The following ITPRIPL1 variants were observed in gnomAD, a reference collection of about 807,000 sequenced individuals.
The protein encoded by ITPRIPL1 is ITPRIP like 1, also known as inositol 1,4,5-trisphosphate receptor-interacting protein-like 1.
A neutral mutation model predicts 40.0 loss-of-function variants in ITPRIPL1; 28 were observed. That is an observed-to-expected ratio of 0.70 (90% CI 0.52 to 0.96). The LOEUF (loss-of-function observed/expected upper bound fraction) is 0.96. ITPRIPL1 is among the 40% of genes least tolerant of loss of function. The pLI is 0.00. For synonymous variants in ITPRIPL1, 251 were observed against 275.7 expected (o/e 0.91, Z 0.89); for missense variants, 638 against 698.0 (o/e 0.91, Z 0.97).
rs781650167 is a variant in ITPRIPL1 at position 96,327,228 on chromosome 2, G to A, written c.597G>A (p.Glu199=). 1 of 1,614,110 alleles carries A rather than the reference G, an allele frequency of 6.2e-7. No homozygotes were observed. Among genetic ancestry groups the A allele is most frequent in the Admixed American group, 1.7e-5 (1 of 60,016 alleles). The change falls in exon 3 of 3, where the codon GAG becomes GAA. Residue 199 remains glutamate, a synonymous_variant. Transcript: ENST00000439118. ...AGAGTTTTGTGGATGATCTCATTGA[G>A]GCCTGTCGGGTGCTCAGCCGCCAAG... ...FVESFVDDLI[E]ACRVLSRQEA...
In ITPRIPL1 at chr2:96,328,323, C is replaced by T; in HGVS notation, c.*24C>T. ...GATGTAAAGACCATTAAAAAAAAAACAGAGGAAGGTATTTCTAATTCCTTG... is the reference window on the plus strand; with the variant it reads ...GATGTAAAGACCATTAAAAAAAAAATAGAGGAAGGTATTTCTAATTCCTTG... On this transcript the variant is annotated 3_prime_UTR_variant, in exon 3 of 3. Transcript: ENST00000439118. The T allele has an allele frequency of 6.5e-7, 1 of 1,544,644 alleles. No individual in the cohort carries two copies. The highest frequency in any genetic ancestry group is 2.0e-5 in the Admixed American group (1 of 50,392).
chr2:96,326,859 G>C lies in ITPRIPL1; in HGVS notation c.228G>C (p.Trp76Cys), dbSNP rs201297775. 2 of 1,614,210 alleles carry C rather than the reference G, an allele frequency of 1.2e-6. No individual in the cohort carries two copies. The highest frequency in any genetic ancestry group is 1.3e-5 in the African/African-American group (1 of 75,064). Residue 76 changes from tryptophan (W) to cysteine (C), a missense_variant, in exon 3 of 3, where the codon TGG (tryptophan) becomes TGC (cysteine). Trp to Cys is a radical substitution (Grantham distance 215). Coordinates refer to ENST00000439118, the MANE Select transcript of ITPRIPL1 (RefSeq NM_001008949.3). ...AEQRQKAENF[W>C]TGDTSSDQLV... is the part of the protein sequence containing the mutation. ...AGAGGCAGAAGGCAGAGAACTTCTGGACAGGAGACACATCCAGTGACCAGT... is the reference window on the plus strand; with the variant it reads ...AGAGGCAGAAGGCAGAGAACTTCTGCACAGGAGACACATCCAGTGACCAGT...
chr2:96,325,970 C>T (rs2064102544), intron 2 of ITPRIPL1, 121 bp downstream of exon 2: 5 of 1,229,632 alleles, frequency 4.1e-6, no homozygotes, highest in Non-Finnish European at 6.0e-6. Context: ...CCTGGTTCTG[C>T]AGACAGTTTT....
Position 96,326,864 on chromosome 2 carries a change from G to C in ITPRIPL1, c.233G>C (p.Gly78Ala). Residue 78 changes from glycine (G) to alanine (A), a missense_variant, in exon 3 of 3, where the codon GGA (glycine) becomes GCA (alanine). Coordinates refer to ENST00000439118, the MANE Select transcript of ITPRIPL1 (RefSeq NM_001008949.3). ...QRQKAENFWT[G>A]DTSSDQLVLG... is the part of the protein sequence containing the mutation. ...CAGAAGGCAGAGAACTTCTGGACAG[G>C]AGACACATCCAGTGACCAGTTAGTG... The C allele has an allele frequency of 6.2e-7, 1 of 1,614,248 alleles. No homozygotes were observed. The highest frequency in any genetic ancestry group is 8.5e-7 in the Non-Finnish European group (1 of 1,180,050).
chr2:96,327,606 G>C lies in ITPRIPL1; in HGVS notation c.975G>C (p.Met325Ile), dbSNP rs746151418. ...VCKTVQWFRN[M>I]MGNAWALVAH... ...AGACTGTGCAGTGGTTCCGGAACAT[G>C]ATGGGCAATGCCTGGGCCCTTGTGG... Residue 325 changes from methionine (M) to isoleucine (I), a missense_variant, in exon 3 of 3, where the codon ATG becomes ATC. Physicochemically the swap from Met to Ile is conservative, Grantham distance 10. Transcript: ENST00000439118. 4.4e-6 allele frequency: 7 copies of C among 1,608,984 alleles called. No homozygotes were observed. The highest frequency in any genetic ancestry group is 5.9e-6 in the Non-Finnish European group (7 of 1,177,786).
chr2:96,325,902 G>A (rs192983046), intron 2 of ITPRIPL1, 53 bp downstream of exon 2: 2 of 1,597,484 alleles, frequency 1.3e-6, no homozygotes, highest in Non-Finnish European at 1.7e-6. Context: ...CGGGCTTCAC[G>A]GGTGGGTGGG....
intron 2 of ITPRIPL1, chr2:96,326,060 A>T (rs538160861): frequency 8.9e-7 from 1 of 1,119,638 alleles, no homozygotes; most frequent in Non-Finnish European, 1.3e-6. Flanking sequence ...CACCGTAGCA[A>T]GCAGCTGGCG....
At position 96,327,322 on chromosome 2, in the gene ITPRIPL1, G is replaced by A. The variant is rs1195595505; in HGVS notation, c.691G>A (p.Glu231Lys). 1.2e-6 allele frequency: 2 copies of A among 1,614,180 alleles called. No homozygotes were observed. The highest frequency in any genetic ancestry group is 1.1e-5 in the South Asian group (1 of 91,078). Residue 231 changes from glutamate (E) to lysine (K), a missense_variant, in exon 3 of 3, where the codon GAG becomes AAG. Glu to Lys is a moderately conservative substitution (Grantham distance 56). Transcript: ENST00000439118. Reference sequence around the variant, plus strand: ...CTTTGAGAAATGGGGAACCCTCCATGAGACCCAGAAATTTGATATCCTGGT... The same window carrying A: ...CTTTGAGAAATGGGGAACCCTCCATAAGACCCAGAAATTTGATATCCTGGT... The part of the protein sequence containing the change: ...AAFEKWGTLH[E>K]TQKFDILVPI...
intron 2 of ITPRIPL1, 93 bp downstream of exon 2, chr2:96,325,942 T>G (rs1246365546): frequency 2.1e-6 from 3 of 1,426,820 alleles, no homozygotes; most frequent in Non-Finnish European, 3.0e-6. Context: ...CTGCCGGCTG[T>G]CAGGTAGGCC....
chr2:96,327,188 C>T lies in ITPRIPL1; in HGVS notation c.557C>T (p.Thr186Ile). 1 of 1,614,166 alleles carries T rather than the reference C, an allele frequency of 6.2e-7. No individual in the cohort carries two copies. The highest frequency in any genetic ancestry group is 8.5e-7 in the Non-Finnish European group (1 of 1,180,046). ...AATGCCATCCGTGACCTGCCCTGCACCTGTGAGTTTGTGGAGAGTTTTGTG... is the reference window on the plus strand; with the variant it reads ...AATGCCATCCGTGACCTGCCCTGCATCTGTGAGTTTGTGGAGAGTTTTGTG... ...VQNAIRDLPC[T>I]CEFVESFVDD... Residue 186 changes from threonine to isoleucine, a missense_variant, in exon 3 of 3, where the codon ACC becomes ATC. By Grantham distance (89) the Thr-to-Ile change is moderately conservative. Coordinates refer to ENST00000439118, the MANE Select transcript of ITPRIPL1 (RefSeq NM_001008949.3).
In ITPRIPL1 at chr2:96,327,430, G is replaced by T; in HGVS notation, c.799G>T (p.Val267Leu). The T allele has an allele frequency of 6.2e-7, 1 of 1,614,000 alleles. No individual in the cohort carries two copies. The highest frequency in any genetic ancestry group is 8.5e-7 in the Non-Finnish European group (1 of 1,179,932). Residue 267 changes from valine (V) to leucine (L), a missense_variant, in exon 3 of 3, where the codon GTG becomes TTG. Coordinates refer to ENST00000439118, the MANE Select transcript of ITPRIPL1 (RefSeq NM_001008949.3). ...ALGRRCGCVL[V>L]ESECVCKREK... is the part of the protein sequence containing the mutation. ...GGGCCGCCGCTGTGGCTGTGTGCTG[G>T]TGGAGTCAGAATGTGTGTGCAAGCG...
rs779036189 is a variant in ITPRIPL1, at chr2:96,327,539, T to C, written c.908T>C (p.Ile303Thr). The C allele has an allele frequency of 1.4e-5, 23 of 1,613,704 alleles. No homozygotes were observed. Among genetic ancestry groups the C allele is most frequent in the East Asian group, 2.2e-5 (1 of 44,880 alleles). ...SAVLGKCSSS[I>T]KAALCTGFHL... The stretch of plus-strand genomic sequence containing the variant: ...GTCTTGGGGAAGTGTAGTAGCTCCA[T>C]CAAGGCAGCTCTCTGCACCGGCTTC... Residue 303 changes from isoleucine (I) to threonine (T), a missense_variant, in exon 3 of 3, where the codon ATC becomes ACC. Coordinates refer to ENST00000439118, the MANE Select transcript of ITPRIPL1 (RefSeq NM_001008949.3).
rs369932867 is a variant in ITPRIPL1, at chr2:96,327,014, G to C, written c.383G>C (p.Arg128Pro). 6.2e-6 allele frequency: 10 copies of C among 1,614,164 alleles called. No homozygotes were observed. Among genetic ancestry groups the C allele is most frequent in the Non-Finnish European group, 8.5e-6 (10 of 1,180,026 alleles). The change falls in exon 3 of 3, where the codon CGA (arginine) becomes CCA (proline). Residue 128 changes from arginine to proline, a missense_variant. Coordinates refer to ENST00000439118, the MANE Select transcript of ITPRIPL1 (RefSeq NM_001008949.3). Reference protein sequence around the residue: ...FCLFLVFELLRQNMQHEPAFD... With the variant: ...FCLFLVFELLPQNMQHEPAFD... Reference sequence around the variant, plus strand: ...CTTTTTCTCGTCTTTGAGCTCCTGCGACAGAACATGCAGCATGAACCGGCC... The same window carrying C: ...CTTTTTCTCGTCTTTGAGCTCCTGCCACAGAACATGCAGCATGAACCGGCC...
chr2:96,325,769 A>T lies in ITPRIPL1; in HGVS notation c.-71A>T. 1 of 1,542,992 alleles carries T rather than the reference A, an allele frequency of 6.5e-7. No homozygotes were observed. Among genetic ancestry groups the T allele is most frequent in the Non-Finnish European group, 9.0e-7 (1 of 1,115,290 alleles). On this transcript the variant is annotated 5_prime_UTR_variant, in exon 2 of 3. Transcript: ENST00000439118. The stretch of plus-strand genomic sequence containing the variant: ...CAGGGCTCCTAGAGAGGGCGGGGAG[A>T]CGAAGCAAGGCCAAGTTCCAAAGGG...
chr2:96,329,174 T>G (rs1205654415), downstream of ITPRIPL1: 1 of 138,890 alleles, frequency 7.2e-6, no homozygotes, highest in Non-Finnish European at 1.6e-5. Flanking sequence ...TATATATATA[T>G]ATATATATAT....
chr2:96,328,053 C>G lies in ITPRIPL1; in HGVS notation c.1422C>G (p.Leu474=). ...CCCACAACATGCTCTCTCAGCGGCT[C>G]CAGGACATTCTCTGGTTCTTGGGCC... ...DWAHNMLSQR[L]QDILWFLGRG... Residue 474 remains leucine, a synonymous_variant, in exon 3 of 3, where the codon CTC becomes CTG. Transcript: ENST00000439118. 1.2e-6 allele frequency: 2 copies of G among 1,614,190 alleles called. No homozygotes were observed. Among genetic ancestry groups the G allele is most frequent in the Non-Finnish European group, 8.5e-7 (1 of 1,180,040 alleles).
intron 2 of ITPRIPL1, chr2:96,326,054 G>A (rs902074204): frequency 5.5e-6 from 6 of 1,092,056 alleles, no homozygotes; most frequent in Non-Finnish European, 6.6e-6. Flanking sequence ...AGAGGGCACC[G>A]TAGCAAGCAG....
Position 96,326,771 on chromosome 2 carries a change from G to T in ITPRIPL1, c.140G>T (p.Arg47Leu). ...TLARSRQLEK[R>L]MSEEMRLLEM... is the part of the protein sequence containing the mutation. ...GCCAGGAGTCGGCAGCTGGAGAAGC[G>T]AATGAGTGAGGAGATGCGCCTGCTA... Residue 47 changes from arginine to leucine, a missense_variant, in exon 3 of 3, where the codon CGA (arginine) becomes CTA (leucine). Transcript: ENST00000439118. 2 of 1,614,212 alleles carry T rather than the reference G, an allele frequency of 1.2e-6. No homozygotes were observed. The highest frequency in any genetic ancestry group is 1.7e-6 in the Non-Finnish European group (2 of 1,180,028).
chr2:96,329,193 A>ATC (rs1254482927), downstream of ITPRIPL1: 10 of 112,342 alleles, frequency 8.9e-5, no homozygotes, highest in East Asian at 2.5e-4. Context: ...ATATATATAT[A>ATC]TCTCCAAGAT....
Sources: allele counts gnomAD v4.1 joint callset, GRCh38; gene constraint gnomAD v4.1.1; transcripts MANE v1.5; gene names NCBI Gene and HGNC (gene_info 2026-07-23, HGNC 2026-07-21).